GRHL1: variants seen among roughly 807,000 people sequenced by gnomAD.
The protein encoded by GRHL1 is grainyhead-like protein 1 homolog.
In GRHL1, 38 loss-of-function variants were observed where a neutral mutation model predicts 75.7. The ratio of observed to expected loss-of-function variants is 0.50; its 90% CI spans 0.39 to 0.66. The LOEUF is 0.66. GRHL1 is among the 30% of genes least tolerant of loss of function. The probability of loss-of-function intolerance (pLI) is 0.00; values close to 1 mark genes in which losing one functional copy is unlikely to be tolerated. For synonymous variants in GRHL1, 266 were observed against 279.4 expected (o/e 0.95, Z 0.48); for missense variants, 589 against 767.5 (o/e 0.77, Z 2.75).
chr2:9,982,776 A>G (rs1327484625), intron 8 of GRHL1, among the ~76,000 whole-genome samples: 4 of 152,244 alleles, frequency 2.6e-5, no homozygotes, highest in Non-Finnish European at 5.9e-5. Context: ...TTAACTGGCA[A>G]CTTACTTGGT....
chr2:9,958,791 A>C lies in GRHL1; in HGVS notation c.213A>C (p.Pro71=), dbSNP rs1667147901. 2.5e-6 allele frequency: 4 copies of C among 1,613,120 alleles called. No individual in the cohort carries two copies. Among genetic ancestry groups the C allele is most frequent in the Non-Finnish European group, 3.4e-6 (4 of 1,179,098 alleles). ...LGLLYDYYKV[P]RERRSSTAKP... Reference sequence around the variant, plus strand: ...TTCATGTGTGCTAATATCAGGTTCCAAGAGAGAGAAGGTCATCAACAGCAA... The same window carrying C: ...TTCATGTGTGCTAATATCAGGTTCCCAGAGAGAGAAGGTCATCAACAGCAA... Residue 71 remains proline (P), a synonymous_variant, in exon 3 of 16, where the codon CCA becomes CCC. Coordinates refer to ENST00000324907, the MANE Select transcript of GRHL1 (RefSeq NM_198182.3).
In GRHL1 at chr2:9,998,645, CAT is replaced by C. The variant is rs1198028553; in HGVS notation, c.1678-316_1678-315del. Among the ~76,000 whole-genome samples, 16 of 46,606 alleles carry C rather than the reference CAT, an allele frequency of 3.4e-4. 2 individuals carry two copies. Among genetic ancestry groups the C allele is most frequent in the East Asian group, 9.3e-4 (2 of 2,160 alleles). 30.6% of individuals were successfully genotyped at this position (46,606 alleles called of 152,430 possible). Reference sequence around the variant, plus strand: ...GTACACATATACATATATATGTACACATATACATATACATATATATGTACACA... The same window carrying C: ...GTACACATATACATATATATGTACACATACATATACATATATATGTACACA... On this transcript the variant is annotated intron_variant, in intron 14 of 15. Transcript: ENST00000324907.
intron 8 of GRHL1, among the ~76,000 whole-genome samples, chr2:9,973,334 C>A (rs985673282): frequency 6.6e-6 from 1 of 152,088 alleles, no homozygotes; most frequent in African/African-American, 2.4e-5. Flanking sequence ...ATTAATGGAG[C>A]CCGCACACAT....
At chr2:9,979,233 C>T (rs530871356) in intron 8 of GRHL1, among the ~76,000 whole-genome samples, 4,423 of 134,834 alleles carry the variant, frequency 0.033, 259 homozygotes, top group African/African-American at 0.12. Flanking sequence ...AATGTTCAAT[C>T]TTTTTTTTTT....
Position 9,964,293 on chromosome 2 carries a change from G to A in GRHL1, c.962G>A (p.Trp321Ter). ...DKSREDQLRH[W>*]KYWHSRQHTA... ...AGCAGAGAAGATCAGTTAAGGCATTGGAAGTACTGGCACTCCCGGCAGCAC... is the reference window on the plus strand; with the variant it reads ...AGCAGAGAAGATCAGTTAAGGCATTAGAAGTACTGGCACTCCCGGCAGCAC... Residue 321 changes from tryptophan (W) to a stop codon, truncating the protein, a stop_gained, in exon 7 of 16, where the codon TGG becomes TAG. Transcript: ENST00000324907. LOFTEE classifies it high-confidence loss of function. 1 of 1,612,914 alleles carries A rather than the reference G, an allele frequency of 6.2e-7. No homozygotes were observed. Among genetic ancestry groups the A allele is most frequent in the Non-Finnish European group, 8.5e-7 (1 of 1,178,882 alleles).
intron 15 of GRHL1, 26 bp downstream of exon 15, chr2:9,999,055 C>T (rs1465456243): frequency 2.9e-6 from 4 of 1,373,884 alleles, no homozygotes; most frequent in Non-Finnish European, 4.1e-6. Flanking sequence ...GTCCTGTGTA[C>T]CTCGGAAAGT....
At chr2:9,964,404 A>G in intron 7 of GRHL1, 58 bp downstream of exon 7, 1 of 932,390 alleles carries the variant, frequency 1.1e-6, no homozygotes. Flanking sequence ...AGTTTTCTAA[A>G]TCCAATTATT....
chr2:9,985,280 T>C (rs1480162697), intron 8 of GRHL1, among the ~76,000 whole-genome samples: 3 of 152,214 alleles, frequency 2.0e-5, no homozygotes, highest in Admixed American at 1.3e-4. Flanking sequence ...TCTTCCCGGG[T>C]TATTCTAGGG....
chr2:9,965,478 A>G lies in GRHL1; in HGVS notation c.1110+97A>G, dbSNP rs1343775077. ...TGATTTTTTTTTTTTTCACAGTTTT[A>G]TGTGTTTCATTCTCAGGTGTTATGA... On this transcript the variant is annotated intron_variant, in intron 8 of 15. Coordinates refer to ENST00000324907, the MANE Select transcript of GRHL1 (RefSeq NM_198182.3). 7.3e-6 allele frequency: 5 copies of G among 685,426 alleles called. No individual in the cohort carries two copies. The East Asian group carries it at 1.0e-4, about 14-fold the overall frequency. 42.5% of individuals were successfully genotyped at this position (685,426 alleles called of 1,614,324 possible).
At position 9,999,677 on chromosome 2, in the gene GRHL1, C is replaced by T. The variant is rs1034070387; in HGVS notation, c.1742+648C>T. Among the ~76,000 whole-genome samples the T allele has an allele frequency of 5.3e-5, 8 of 152,156 alleles. No individual in the cohort carries two copies. In the East Asian group the frequency reaches 1.5e-3, roughly 29 times the overall value. On this transcript the variant is annotated intron_variant, in intron 15 of 15. Transcript: ENST00000324907. ...AAGTTATGTCACGTTGCTGCTTTGT[C>T]TAGAAATTAGTATTTTTAGTTCTTT...
chr2:9,981,984 G>A (rs115646004), intron 8 of GRHL1, among the ~76,000 whole-genome samples: 9 of 152,304 alleles, frequency 5.9e-5, no homozygotes, highest in East Asian at 3.9e-4. Context: ...AAAAATAAGC[G>A]GGAGAGTTTA....
chr2:9,988,203 G>A (rs771221985), intron 9 of GRHL1, among the ~76,000 whole-genome samples: 6 of 152,126 alleles, frequency 3.9e-5, no homozygotes, highest in South Asian at 2.1e-4. Context: ...CCATCTGCTC[G>A]TTAAGATCTT....
intron 8 of GRHL1, among the ~76,000 whole-genome samples, chr2:9,984,292 G>A (rs1351051497): frequency 3.3e-5 from 5 of 152,162 alleles, no homozygotes; most frequent in African/African-American, 1.2e-4. Flanking sequence ...TGACCCAGGG[G>A]CTAGAAGGAA....
intron 7 of GRHL1, 60 bp downstream of exon 7, chr2:9,964,406 C>T: frequency 1.1e-6 from 1 of 922,512 alleles, no homozygotes; most frequent in Non-Finnish European, 1.7e-6. Flanking sequence ...TTTTCTAAAT[C>T]CAATTATTTT....
At chr2:9,959,316 C>T (rs1021649990) in intron 3 of GRHL1, 2 of 152,268 alleles carry the variant, frequency 1.3e-5, no homozygotes, top group African/African-American at 4.8e-5. Context: ...ATTTAATTAA[C>T]GTTTGGCTAG....
At chr2:9,998,524 A>ATATATACGTATATATATACG (rs1558319889) in intron 14 of GRHL1, among the ~76,000 whole-genome samples, 3 of 17,250 alleles carry the variant, frequency 1.7e-4, no homozygotes, top group Non-Finnish European at 3.4e-4. Context: ...ATATATATAC[A>ATATATACGTATATATATACG]TATATATACG....
chr2:9,966,508 C>T (rs1298508798), intron 8 of GRHL1: 1 of 152,148 alleles, frequency 6.6e-6, no homozygotes, highest in Admixed American at 6.5e-5. Flanking sequence ...ATAGCATTCT[C>T]TCAGAGACCT....
chr2:9,964,926 T>C (rs1667426932), intron 7 of GRHL1: 1 of 197,110 alleles, frequency 5.1e-6, no homozygotes, highest in Non-Finnish European at 1.0e-5. Context: ...TTAGTGTTAC[T>C]TTTTTTCTTT....
At chr2:9,958,295 G>T (rs1362727484) in intron 2 of GRHL1, among the ~76,000 whole-genome samples, 2 of 151,378 alleles carry the variant, frequency 1.3e-5, no homozygotes, top group African/African-American at 4.9e-5. Context: ...TCTCACCGCA[G>T]TCTCTCTTGT....
Sources: allele counts gnomAD v4.1 joint callset (sites outside exome capture counted in the v4.1 genomes callset), GRCh38; gene constraint gnomAD v4.1.1; transcripts MANE v1.5; gene names NCBI Gene and HGNC (gene_info 2026-07-23, HGNC 2026-07-21).